STARD13: variants seen among roughly 807,000 people sequenced by gnomAD.
STARD13 encodes the protein stAR-related lipid transfer protein 13.
A neutral mutation model predicts 106.4 loss-of-function variants in STARD13; 62 were observed. The observed-to-expected ratio is 0.58, with a 90% CI of 0.48 to 0.72. STARD13 has a LOEUF of 0.72. Ranked by LOEUF, STARD13 falls within the 30% of genes least tolerant of loss-of-function variation. The pLI is 0.00. For synonymous variants in STARD13, 565 were observed against 553.0 expected, an observed-to-expected ratio of 1.02 and a Z score of -0.31; for missense variants, 1,387 against 1,424.0, an observed-to-expected ratio of 0.97 and a Z score of 0.42.
intron 4 of STARD13, among the ~76,000 whole-genome samples, chr13:33,141,143 T>C (rs1879771955): frequency 6.6e-6 from 1 of 152,192 alleles, no homozygotes; most frequent in African/African-American, 2.4e-5. Flanking sequence ...GTAGAGATGT[T>C]AAATGAAAAA....
chr13:33,528,243 CATATAT>C, the STARD13 span, among the ~76,000 whole-genome samples: 8 of 93,482 alleles, frequency 8.6e-5, no homozygotes, highest in African/African-American at 3.7e-4. Context: ...TATATATATA[CATATAT>C]ATATATACAT....
At chr13:33,506,208 T>TA in the STARD13 span, among the ~76,000 whole-genome samples, 1 of 152,168 alleles carries the variant, frequency 6.6e-6, no homozygotes, top group Non-Finnish European at 1.5e-5. Context: ...AAAGAAGCAT[T>TA]AAAGCACTTT....
chr13:33,260,963 T>A (rs1890611844), intron 1 of STARD13, among the ~76,000 whole-genome samples: 1 of 152,212 alleles, frequency 6.6e-6, no homozygotes, highest in Non-Finnish European at 1.5e-5. Flanking sequence ...GGTGTAATTA[T>A]TTAGATTCAT....
the STARD13 span, among the ~76,000 whole-genome samples, chr13:33,508,474 C>T: frequency 2.0e-5 from 3 of 152,158 alleles, no homozygotes; most frequent in African/African-American, 7.2e-5. Context: ...ACAATTGCAT[C>T]TTTGGCCTTT....
intron 1 of STARD13, chr13:33,186,011 G>C (rs1359416829): frequency 6.2e-7 from 1 of 1,614,174 alleles, no homozygotes; most frequent in Non-Finnish European, 8.5e-7. Flanking sequence ...GAACTGAGGA[G>C]GGTTCCAGCA....
At chr13:33,362,103 G>A in the STARD13 span, among the ~76,000 whole-genome samples, 2 of 152,108 alleles carry the variant, frequency 1.3e-5, no homozygotes, top group African/African-American at 2.4e-5. Context: ...CTGAAGCTGG[G>A]TCATTTATAA....
At chr13:33,382,244 A>G in the STARD13 span, among the ~76,000 whole-genome samples, 1 of 152,144 alleles carries the variant, frequency 6.6e-6, no homozygotes, top group African/African-American at 2.4e-5. Context: ...TTACATTTCA[A>G]GTTAAGTCAA....
chr13:33,550,531 A>G, the STARD13 span, among the ~76,000 whole-genome samples: 11 of 152,306 alleles, frequency 7.2e-5, no homozygotes, highest in East Asian at 1.9e-3. Context: ...TTCATCAGTG[A>G]TGACCTTAGT....
chr13:33,617,875 T>A, the STARD13 span, among the ~76,000 whole-genome samples: 152 of 152,300 alleles, frequency 1.0e-3, 1 homozygote, highest in East Asian at 1.9e-4. Context: ...GAGAGGAATA[T>A]GTTCTCTCAA....
At chr13:33,264,471 G>A (rs1013017112) in intron 1 of STARD13, among the ~76,000 whole-genome samples, 5 of 152,214 alleles carry the variant, frequency 3.3e-5, no homozygotes, top group Admixed American at 1.3e-4. Flanking sequence ...GAATGAGTCT[G>A]CCATTGGCAT....
At chr13:33,670,382 T>C in the STARD13 span, among the ~76,000 whole-genome samples, 1 of 152,190 alleles carries the variant, frequency 6.6e-6, no homozygotes, top group Non-Finnish European at 1.5e-5. Flanking sequence ...TTGGAGAATG[T>C]CACCAAAGAT....
At chr13:33,655,845 G>T in the STARD13 span, among the ~76,000 whole-genome samples, 84 of 152,286 alleles carry the variant, frequency 5.5e-4, no homozygotes, top group African/African-American at 1.9e-3. Flanking sequence ...TGCTGCTGTC[G>T]TTGCAGGTTT....
the STARD13 span, among the ~76,000 whole-genome samples, chr13:33,662,248 C>A: frequency 1.4e-5 from 2 of 145,550 alleles, no homozygotes; most frequent in African/African-American, 5.3e-5. Context: ...GGCGACAGAG[C>A]AAGACCCCGT....
At chr13:33,553,791 G>A in the STARD13 span, among the ~76,000 whole-genome samples, 1 of 151,864 alleles carries the variant, frequency 6.6e-6, no homozygotes, top group African/African-American at 2.4e-5. Flanking sequence ...TGTTGGCCAG[G>A]ATGGTCTCGA....
chr13:33,350,291 T>G (rs1422579224), exon 1 of STARD13: 2 of 1,530,812 alleles, frequency 1.3e-6, no homozygotes, highest in African/African-American at 2.8e-5. Context: ...GGCACTGACC[T>G]GCCAGCCGCC....
intron 13 of STARD13, 99 bp downstream of exon 13, chr13:33,106,659 A>C: frequency 1.1e-5 from 13 of 1,150,928 alleles, no homozygotes; most frequent in Non-Finnish European, 1.6e-5. Flanking sequence ...GGAAACAAAT[A>C]CAGTGAAATA....
the STARD13 span, among the ~76,000 whole-genome samples, chr13:33,592,207 T>A: frequency 2.6e-5 from 4 of 152,222 alleles, no homozygotes; most frequent in African/African-American, 7.2e-5. Flanking sequence ...GTGGATCGAT[T>A]TTCAAATTCT....
intron 1 of STARD13, among the ~76,000 whole-genome samples, chr13:33,216,950 CA>C (rs1352467043): frequency 1.3e-5 from 2 of 152,166 alleles, no homozygotes; most frequent in Non-Finnish European, 2.9e-5. Flanking sequence ...TACAGGGAAT[CA>C]AGGCCTTTAG....
At chr13:33,252,455 A>G (rs17519165) in intron 1 of STARD13, among the ~76,000 whole-genome samples, 34,726 of 152,166 alleles carry the variant, frequency 0.23, 4,273 homozygotes, top group African/African-American at 0.29. Flanking sequence ...TCTATGGGCC[A>G]TATTCAGGTC....
Sources: allele counts gnomAD v4.1 joint callset (sites outside exome capture counted in the v4.1 genomes callset), GRCh38; gene constraint gnomAD v4.1.1; transcripts MANE v1.5; gene names NCBI Gene and HGNC (gene_info 2026-07-23, HGNC 2026-07-21).